The following ANKRD11 variants were observed in gnomAD, a reference collection of about 807,000 sequenced individuals.
ANKRD11 encodes ankyrin repeat domain 11, also known as ankyrin repeat domain-containing protein 11.
A neutral mutation model predicts 195.7 loss-of-function variants in ANKRD11; 17 were observed. The ratio of observed to expected loss-of-function variants is 0.09; its 90% CI spans 0.06 to 0.13. The LOEUF is 0.13. Among genes scored for constraint, ANKRD11 ranks in the 10% least tolerant of loss-of-function variants. The pLI, the probability that ANKRD11 is intolerant of heterozygous loss-of-function variation, is 1.00. For missense variants in ANKRD11, 3,735 were observed against 3,566.1 expected (o/e 1.05, Z -1.21); for synonymous variants, 1,953 against 1,528.1 (o/e 1.28, Z -6.49).
chr16:89,439,445 G>A (rs1369958913), intron 1 of ANKRD11, among the ~76,000 whole-genome samples: 3 of 152,128 alleles, frequency 2.0e-5, no homozygotes, highest in Admixed American at 6.6e-5. Flanking sequence ...TTAAGTCAGG[G>A]ACTATCTGTA....
chr16:89,357,662 A>G (rs1210122680), intron 2 of ANKRD11, among the ~76,000 whole-genome samples: 1 of 152,224 alleles, frequency 6.6e-6, no homozygotes, highest in Non-Finnish European at 1.5e-5. Flanking sequence ...TGCACACAGC[A>G]TAACGCGACT....
intron 2 of ANKRD11, among the ~76,000 whole-genome samples, chr16:89,375,522 C>A (rs538339959): frequency 1.3e-5 from 2 of 152,054 alleles, no homozygotes; most frequent in East Asian, 3.9e-4. Context: ...TGCAGTGGCA[C>A]GATCTTGGCT....
intron 12 of ANKRD11, chr16:89,270,414 G>C (rs772103227): frequency 3.3e-6 from 1 of 303,368 alleles, no homozygotes; most frequent in East Asian, 8.4e-5. Flanking sequence ...CCTCGCGACC[G>C]GGATAAGGGT....
intron 1 of ANKRD11, among the ~76,000 whole-genome samples, chr16:89,428,400 C>T (rs1381263855): frequency 1.3e-5 from 2 of 151,912 alleles, no homozygotes; most frequent in Non-Finnish European, 2.9e-5. Context: ...GTGGCGGGCG[C>T]CTATAGTCCC....
chr16:89,463,000 G>A (rs1337574613), intron 1 of ANKRD11, among the ~76,000 whole-genome samples: 3 of 150,466 alleles, frequency 2.0e-5, no homozygotes, highest in Middle Eastern at 3.4e-3. Context: ...GGAGGGAGGT[G>A]GGGGGGTCAG....
chr16:89,456,595 G>T lies in ANKRD11; in HGVS notation c.-145+33650C>A, dbSNP rs140070868. On this transcript the variant is annotated intron_variant, in intron 1 of 12. Transcript: ENST00000301030. ...GCCAAGTGTCAATCAAGACAGGATGGGTAAACACCCTGCCTACACCCAGAC... is the reference window on the plus strand; with the variant it reads ...GCCAAGTGTCAATCAAGACAGGATGTGTAAACACCCTGCCTACACCCAGAC... Among the ~76,000 whole-genome samples, 249 of 151,754 alleles carry T rather than the reference G, an allele frequency of 1.6e-3. 1 individual carries two copies. The highest frequency in any genetic ancestry group is 5.0e-3 in the African/African-American group (206 of 41,390).
chr16:89,286,962 G>C (rs879065804), intron 7 of ANKRD11: 6 of 1,289,738 alleles, frequency 4.7e-6, no homozygotes, highest in Non-Finnish European at 6.1e-6. Context: ...TTTCCAGTTC[G>C]TGTGTGACAT....
intron 2 of ANKRD11, among the ~76,000 whole-genome samples, chr16:89,398,086 A>G: frequency 6.6e-6 from 1 of 151,590 alleles, no homozygotes; most frequent in East Asian, 1.9e-4. Flanking sequence ...AAACAGCTGA[A>G]GATTACCTGT....
chr16:89,455,146 C>T (rs1274240258), intron 1 of ANKRD11, among the ~76,000 whole-genome samples: 2 of 119,730 alleles, frequency 1.7e-5, no homozygotes, highest in Non-Finnish European at 3.5e-5. Flanking sequence ...CCCCTGGGTG[C>T]TGTTAGGGTT....
intron 2 of ANKRD11, among the ~76,000 whole-genome samples, chr16:89,372,313 G>A (rs1175138971): frequency 2.0e-5 from 3 of 152,174 alleles, no homozygotes; most frequent in Non-Finnish European, 4.4e-5. Flanking sequence ...CGGCGGCAGC[G>A]CCCAGCGACG....
At chr16:89,333,048 G>C (rs1439410418) in intron 2 of ANKRD11, among the ~76,000 whole-genome samples, 2 of 152,176 alleles carry the variant, frequency 1.3e-5, no homozygotes, top group Non-Finnish European at 2.9e-5. Context: ...GGAACCCCCA[G>C]GGAAGAAGGG....
chr16:89,448,186 G>A (rs1294420032), intron 1 of ANKRD11, among the ~76,000 whole-genome samples: 1 of 152,098 alleles, frequency 6.6e-6, no homozygotes. Context: ...GCACCCTGCA[G>A]ACAGTGGGCA....
intron 1 of ANKRD11, among the ~76,000 whole-genome samples, chr16:89,476,991 G>A (rs1402882390): frequency 6.6e-6 from 1 of 152,218 alleles, no homozygotes; most frequent in African/African-American, 2.4e-5. Flanking sequence ...GCTCAGAGAT[G>A]AAAGGGGAAG....
At chr16:89,448,474 CCTA>C (rs1334985327) in intron 1 of ANKRD11, among the ~76,000 whole-genome samples, 1 of 152,194 alleles carries the variant, frequency 6.6e-6, no homozygotes, top group Non-Finnish European at 1.5e-5. Flanking sequence ...CCAAAGCAAA[CCTA>C]CTACAGCACC....
In ANKRD11 at chr16:89,279,817, G is replaced by A. The variant is rs372632879; in HGVS notation, c.6725C>T (p.Ala2242Val). 3.4e-4 allele frequency: 520 copies of A among 1,543,466 alleles called. 3 individuals are homozygous for A. The African/African-American group carries it at 4.8e-3, about 14-fold the overall frequency. Reference protein sequence around the residue: ...RGDPDSSVEPAPVPPEQRPLG... With the variant: ...RGDPDSSVEPVPVPPEQRPLG... ...TGGGCGCTGTTCTGGGGGAACGGGC[G>A]CGGGCTCCACGCTGGAGTCCGGATC... The change falls in exon 9 of 13, where the codon GCG becomes GTG. Residue 2242 changes from alanine (A) to valine (V), a missense_variant. Transcript: ENST00000301030. The surrounding 1 kb of genome is among the most constrained non-coding windows in gnomAD (Gnocchi z 5.6).
At position 89,285,133 on chromosome 16, in the gene ANKRD11, C is replaced by G; in HGVS notation, c.1409G>C (p.Gly470Ala). The G allele has an allele frequency of 1.2e-6, 2 of 1,613,648 alleles. No homozygotes were observed. ...GGAGCAGAACTTGTCGCTCCGCTTTCCGAAGCGAACCTCTCTGCCTTTTGT... is the reference window on the plus strand; with the variant it reads ...GGAGCAGAACTTGTCGCTCCGCTTTGCGAAGCGAACCTCTCTGCCTTTTGT... The part of the protein sequence containing the change: ...KETKGREVRF[G>A]KRSDKFCSSE... Residue 470 changes from glycine to alanine, a missense_variant, in exon 9 of 13, where the codon GGA becomes GCA. Physicochemically the swap from Gly to Ala is moderately conservative, Grantham distance 60. Transcript: ENST00000301030. This position sits in a 1 kb window ranked among gnomAD's most constrained non-coding sequence, Gnocchi z 5.6.
At chr16:89,298,126 C>G (rs926349640) in intron 4 of ANKRD11, 9 of 152,246 alleles carry the variant, frequency 5.9e-5, no homozygotes, top group African/African-American at 2.2e-4. Flanking sequence ...GGAGCAGGGC[C>G]TGAGCCCCAT....
chr16:89,490,312 C>G lies in ANKRD11; in HGVS notation c.-212G>C, dbSNP rs997232561. ...GGGCGCGGGCGCTGCCCATGCAGCC[C>G]GCGGCCGCGTTTCCCGGGCCGCGCG... On this transcript the variant is annotated 5_prime_UTR_variant, in exon 1 of 13. Transcript: ENST00000301030. 6.8e-6 allele frequency: 1 copy of G among 147,248 alleles called. No homozygotes were observed. The highest frequency in any genetic ancestry group is 2.5e-5 in the African/African-American group (1 of 40,790). 9.1% of individuals were successfully genotyped at this position (147,248 alleles called of 1,614,324 possible). A position where few individuals can be genotyped will look rare whatever the true frequency, so the allele number is the denominator to read the frequency against.
chr16:89,435,282 A>C (rs1293151012), intron 1 of ANKRD11, among the ~76,000 whole-genome samples: 1 of 152,204 alleles, frequency 6.6e-6, no homozygotes, highest in African/African-American at 2.4e-5. Context: ...AAATGGCCCA[A>C]TCAGCGCTCT....
Sources: allele counts gnomAD v4.1 joint callset (sites outside exome capture counted in the v4.1 genomes callset), GRCh38; gene constraint gnomAD v4.1.1; non-coding constraint Gnocchi (gnomAD v3.1); transcripts MANE v1.5; gene names NCBI Gene and HGNC (gene_info 2026-07-23, HGNC 2026-07-21).